GABRB2: variants seen among roughly 807,000 people sequenced by gnomAD.
The protein encoded by GABRB2 is gamma-aminobutyric acid receptor subunit beta-2.
In GABRB2, 16 loss-of-function variants were observed where a neutral mutation model predicts 54.7. The ratio of observed to expected loss-of-function variants is 0.29; its 90% CI spans 0.20 to 0.44. GABRB2 has a LOEUF of 0.44. Ranked by LOEUF, GABRB2 falls within the 20% of genes least tolerant of loss-of-function variation. The probability of loss-of-function intolerance (pLI) is 1.00; values close to 1 mark genes in which losing one functional copy is unlikely to be tolerated. For missense variants in GABRB2, 355 were observed against 644.0 expected, an observed-to-expected ratio of 0.55 and a Z score of 4.86; for synonymous variants, 244 against 233.8, an observed-to-expected ratio of 1.04 and a Z score of -0.40.
intron 4 of GABRB2, among the ~76,000 whole-genome samples, chr5:161,429,369 A>AAAAG (rs1412436152): frequency 6.7e-6 from 1 of 149,770 alleles, no homozygotes; most frequent in Non-Finnish European, 1.5e-5. Context: ...GAAAAAGAAA[A>AAAAG]AAAAAGAAAT....
intron 5 of GABRB2, among the ~76,000 whole-genome samples, chr5:161,343,708 T>C (rs542576404): frequency 7.4e-4 from 112 of 152,234 alleles, no homozygotes; most frequent in South Asian, 2.5e-3. Context: ...AGCTATCAAC[T>C]ATAGAGCCCT....
intron 5 of GABRB2, among the ~76,000 whole-genome samples, chr5:161,395,045 A>G (rs1013003156): frequency 7.9e-5 from 12 of 152,176 alleles, no homozygotes; most frequent in Non-Finnish European, 1.5e-5. Context: ...AGGTTGAGAT[A>G]GGTTTATCAT....
At chr5:161,478,382 C>A (rs542700167) in intron 3 of GABRB2, among the ~76,000 whole-genome samples, 1 of 152,118 alleles carries the variant, frequency 6.6e-6, no homozygotes, top group South Asian at 2.1e-4. Flanking sequence ...ACATAAATTG[C>A]TACTTTGACC....
intron 4 of GABRB2, among the ~76,000 whole-genome samples, chr5:161,428,260 T>A (rs941093907): frequency 4.0e-5 from 6 of 151,298 alleles, no homozygotes; most frequent in African/African-American, 1.5e-4. Context: ...GTGAAGCAAA[T>A]TAACATATCT....
At chr5:161,318,942 T>C (rs1758125285) in intron 9 of GABRB2, among the ~76,000 whole-genome samples, 1 of 151,972 alleles carries the variant, frequency 6.6e-6, no homozygotes, top group Non-Finnish European at 1.5e-5. Context: ...ATTGTTTATA[T>C]ATTTTCTATA....
intron 9 of GABRB2, among the ~76,000 whole-genome samples, chr5:161,298,540 C>A (rs1757447394): frequency 6.6e-6 from 1 of 152,188 alleles, no homozygotes; most frequent in African/African-American, 2.4e-5. Context: ...TAGTAACTCA[C>A]TTCACCTCTT....
intron 3 of GABRB2, among the ~76,000 whole-genome samples, chr5:161,475,493 C>G (rs879615876): frequency 4.6e-5 from 7 of 151,764 alleles, no homozygotes; most frequent in Non-Finnish European, 7.4e-5. Context: ...TACACTAATC[C>G]CAAAGTCAAA....
intron 9 of GABRB2, among the ~76,000 whole-genome samples, chr5:161,319,586 T>A (rs1758148369): frequency 6.6e-6 from 1 of 151,554 alleles, no homozygotes; most frequent in Non-Finnish European, 1.5e-5. Flanking sequence ...TTTTCCCCAC[T>A]AATGTTCACC....
intron 3 of GABRB2, among the ~76,000 whole-genome samples, chr5:161,490,608 A>G (rs1759070817): frequency 6.6e-6 from 1 of 151,670 alleles, no homozygotes; most frequent in African/African-American, 2.4e-5. Flanking sequence ...CAGCCCATAA[A>G]CTCTAAGACT....
At chr5:161,518,448 T>C (rs1297500525) in intron 3 of GABRB2, among the ~76,000 whole-genome samples, 1 of 152,226 alleles carries the variant, frequency 6.6e-6, no homozygotes, top group Admixed American at 6.5e-5. Context: ...GTAATGTTTC[T>C]AATAGTAAAT....
At chr5:161,297,468 T>C in intron 9 of GABRB2, among the ~76,000 whole-genome samples, 1 of 152,078 alleles carries the variant, frequency 6.6e-6, no homozygotes, top group Non-Finnish European at 1.5e-5. Flanking sequence ...GTGTGTGATG[T>C]TCCCTTCCCT....
intron 3 of GABRB2, among the ~76,000 whole-genome samples, chr5:161,542,923 C>A (rs1007547984): frequency 1.3e-5 from 2 of 152,174 alleles, no homozygotes; most frequent in Admixed American, 1.3e-4. Context: ...CCATCTGTTG[C>A]TTCAAAACAA....
upstream of GABRB2, chr5:161,546,730 C>T: frequency 6.5e-7 from 1 of 1,533,548 alleles, no homozygotes; most frequent in African/African-American, 1.4e-5. Context: ...TAATGTGAGG[C>T]GCATGCGCAC....
At chr5:161,423,613 T>G (rs1196067088) in intron 4 of GABRB2, among the ~76,000 whole-genome samples, 1 of 152,184 alleles carries the variant, frequency 6.6e-6, no homozygotes, top group African/African-American at 2.4e-5. Flanking sequence ...ATGTTTGTTT[T>G]ATGACCAGCC....
In GABRB2 at chr5:161,468,516, G is replaced by T. The variant is rs567202183; in HGVS notation, c.238-8672C>A. On this transcript the variant is annotated intron_variant, in intron 3 of 9. Transcript: ENST00000393959. Reference sequence around the variant, plus strand: ...TCAAAGCTCAAACCTCCTTGGTGGGGTTTTCCCTTCCTCTCAGTCCTAACA... The same window carrying T: ...TCAAAGCTCAAACCTCCTTGGTGGGTTTTTCCCTTCCTCTCAGTCCTAACA... Among the ~76,000 whole-genome samples the T allele has an allele frequency of 2.6e-5, 4 of 152,118 alleles. No individual in the cohort carries two copies. In the East Asian group the frequency reaches 7.8e-4, roughly 30 times the overall value.
At chr5:161,484,137 C>T (rs1027240285) in intron 3 of GABRB2, among the ~76,000 whole-genome samples, 1 of 151,860 alleles carries the variant, frequency 6.6e-6, no homozygotes. Context: ...CTATGCCTAT[C>T]TTAATTGGTT....
chr5:161,360,081 TA>T (rs11458201), intron 5 of GABRB2, among the ~76,000 whole-genome samples: 16 of 148,680 alleles, frequency 1.1e-4, no homozygotes, highest in African/African-American at 2.0e-4. Flanking sequence ...AGACTCCGTC[TA>T]AAAAAAAAAA....
intron 3 of GABRB2, among the ~76,000 whole-genome samples, chr5:161,510,766 T>C (rs1759742513): frequency 6.6e-6 from 1 of 151,884 alleles, no homozygotes; most frequent in Non-Finnish European, 1.5e-5. Context: ...TGAGTGTAAA[T>C]GCCTACCCTT....
rs1758237280 is a variant in GABRB2, at chr5:161,322,375, A to G, written c.1191+3993T>C. Among the ~76,000 whole-genome samples the G allele has an allele frequency of 2.6e-5, 4 of 152,086 alleles. No individual in the cohort carries two copies. In the South Asian group the frequency reaches 8.3e-4, roughly 32 times the overall value. ...CTCTGCCTCCCTTGTAGCTGGGACT[A>G]CAGGCATGTGCCACCATACCCAGAT... On this transcript the variant is annotated intron_variant, in intron 9 of 9. Transcript: ENST00000393959.
Sources: gnomAD v4.1 joint callset for allele counts (sites outside exome capture counted in the v4.1 genomes callset) on GRCh38, gnomAD v4.1.1 for gene constraint, MANE v1.5 for transcripts, NCBI Gene and HGNC (gene_info 2026-07-23, HGNC 2026-07-21) for gene names.